ANK1: variants seen among roughly 807,000 people sequenced by gnomAD.
ANK1 encodes the protein ankyrin 1, also known as ankyrin-1.
In ANK1, 51 loss-of-function variants were observed where a neutral mutation model predicts 210.4. The ratio of observed to expected loss-of-function variants is 0.24; its 90% CI spans 0.19 to 0.31. The LOEUF is 0.31. ANK1 is among the 10% of genes least tolerant of loss of function. The pLI is 1.00. For synonymous variants in ANK1, 967 were observed against 1,025.9 expected, an observed-to-expected ratio of 0.94 and a Z score of 1.10; for missense variants, 2,051 against 2,504.4, an observed-to-expected ratio of 0.82 and a Z score of 3.86.
At position 41,881,814 on chromosome 8, in the gene ANK1, G is replaced by A. The variant is rs530347340; in HGVS notation, c.126+14541C>T. 3.4e-4 allele frequency among the ~76,000 whole-genome samples: 52 copies of A among 152,206 alleles called. 1 individual carries two copies. The South Asian group carries it at 6.8e-3, about 20-fold the overall frequency. ...CCAAGGTCCTCACCTGTAAAACACCGTTCCCACGCACCTGCCTGGCTTGTG... is the reference window on the plus strand; with the variant it reads ...CCAAGGTCCTCACCTGTAAAACACCATTCCCACGCACCTGCCTGGCTTGTG... On this transcript the variant is annotated intron_variant, in intron 1 of 42. Coordinates refer to the ANK1 transcript ENST00000265709.
At chr8:41,877,461 T>C (rs1453985592) in intron 1 of ANK1, among the ~76,000 whole-genome samples, 1 of 152,270 alleles carries the variant, frequency 6.6e-6, no homozygotes, top group African/African-American at 2.4e-5. Flanking sequence ...ACACTCACAG[T>C]GCCCCAGCTG....
chr8:41,687,238 G>A (rs577994729), intron 35 of ANK1, among the ~76,000 whole-genome samples: 17 of 152,310 alleles, frequency 1.1e-4, no homozygotes, highest in Non-Finnish European at 2.2e-4. Context: ...TTGAGCACCG[G>A]GCTCTGGACA....
intron 1 of ANK1, among the ~76,000 whole-genome samples, chr8:41,806,806 T>A (rs1264514031): frequency 6.6e-6 from 1 of 152,202 alleles, no homozygotes; most frequent in Non-Finnish European, 1.5e-5. Flanking sequence ...TCTCGATGGT[T>A]TTCCATGACG....
In ANK1 at chr8:41,655,189, C is replaced by A; in HGVS notation, c.*601G>T. 6.4e-6 allele frequency: 1 copy of A among 155,564 alleles called. No homozygotes were observed. The highest frequency in any genetic ancestry group is 1.4e-5 in the Non-Finnish European group (1 of 70,934). 9.6% of individuals were successfully genotyped at this position (155,564 alleles called of 1,614,324 possible). Reference sequence around the variant, plus strand: ...ATGTAGAGCGATCTGGGAGGAGCGTCACCAGGGAGTCGAGGGGGTGTCACA... The same window carrying A: ...ATGTAGAGCGATCTGGGAGGAGCGTAACCAGGGAGTCGAGGGGGTGTCACA... On this transcript the variant is annotated 3_prime_UTR_variant, in exon 43 of 43. Coordinates refer to ENST00000289734, the MANE Select transcript of ANK1 (RefSeq NM_000037.4).
rs182756272 is a variant in ANK1, at chr8:41,814,486, A to G, written c.127-56349T>C. Among the ~76,000 whole-genome samples the G allele has an allele frequency of 1.2e-4, 18 of 152,298 alleles. No individual in the cohort carries two copies. In the East Asian group the frequency reaches 3.3e-3, roughly 28 times the overall value. ...CCTTATTAGAATTCTGGAGATTACT[A>G]TGCAGTCTGGTGGTATGATCATAAA... On this transcript the variant is annotated intron_variant, in intron 1 of 42. Coordinates refer to the ANK1 transcript ENST00000265709.
intron 1 of ANK1, chr8:41,829,292 T>A (rs1806126327): frequency 6.6e-6 from 1 of 152,252 alleles, no homozygotes; most frequent in Non-Finnish European, 1.5e-5. Context: ...CTTGATGAAC[T>A]TAGCTTTCGT....
chr8:41,856,874 C>CTTTTTTTTT (rs35341809), intron 1 of ANK1, among the ~76,000 whole-genome samples: 5 of 95,248 alleles, frequency 5.2e-5, no homozygotes, highest in African/African-American at 2.4e-4. Flanking sequence ...TAACAGCCCT[C>CTTTTTTTTT]TTTTTTTTTT....
rs769060750 is a variant in ANK1 at position 41,734,088 on chromosome 8, C to T, written c.130-19G>A. Reference sequence around the variant, plus strand: ...ACCCATTCTGTAAAGAGCAGAGAGGCGGGAAGGGCATGGTTAGTCAAATGG... The same window carrying T: ...ACCCATTCTGTAAAGAGCAGAGAGGTGGGAAGGGCATGGTTAGTCAAATGG... On this transcript the variant is annotated intron_variant, in intron 2 of 42. Coordinates refer to ENST00000289734, the MANE Select transcript of ANK1 (RefSeq NM_000037.4). 3.7e-6 allele frequency: 6 copies of T among 1,605,072 alleles called. No individual in the cohort carries two copies. In the East Asian group the frequency reaches 8.9e-5, roughly 24 times the overall value.
chr8:41,803,002 A>AG (rs1850199087), intron 1 of ANK1, among the ~76,000 whole-genome samples: 8 of 72,372 alleles, frequency 1.1e-4, no homozygotes, highest in Non-Finnish European at 1.6e-4. Flanking sequence ...AGAGAGAAAG[A>AG]AAGAAAGAAA....
intron 1 of ANK1, among the ~76,000 whole-genome samples, chr8:41,864,009 C>T (rs375111765): frequency 6.6e-6 from 1 of 152,124 alleles, no homozygotes; most frequent in African/African-American, 2.4e-5. Flanking sequence ...CTTTGGGAGG[C>T]CGAGGCGGGT....
chr8:41,791,940 C>G (rs2150762850), intron 1 of ANK1, among the ~76,000 whole-genome samples: 1 of 152,132 alleles, frequency 6.6e-6, no homozygotes, highest in South Asian at 2.1e-4. Flanking sequence ...TGTTTGCTTG[C>G]TTTGTTTTTC....
chr8:41,849,659 G>A (rs1810820484), intron 1 of ANK1, among the ~76,000 whole-genome samples: 1 of 152,190 alleles, frequency 6.6e-6, no homozygotes, highest in Non-Finnish European at 1.5e-5. Flanking sequence ...CAGGGAAGGT[G>A]CCCACCACAC....
chr8:41,693,824 C>T (rs905227903), intron 29 of ANK1, 74 bp downstream of exon 29: 22 of 1,506,938 alleles, frequency 1.5e-5, no homozygotes, highest in Admixed American at 7.9e-5. Flanking sequence ...CTCGCCTTCT[C>T]GAGTCACCCC....
At chr8:41,895,088 G>C (rs1440677007) in intron 1 of ANK1, among the ~76,000 whole-genome samples, 1 of 152,166 alleles carries the variant, frequency 6.6e-6, no homozygotes, top group East Asian at 1.9e-4. Flanking sequence ...TTGGTCTGCT[G>C]ACCAACTGTC....
At chr8:41,683,520 G>A (rs566380996) in intron 37 of ANK1, among the ~76,000 whole-genome samples, 3 of 152,220 alleles carry the variant, frequency 2.0e-5, no homozygotes, top group Non-Finnish European at 2.9e-5. Context: ...TGGGCGTGGC[G>A]GGGATGGCCC....
chr8:41,850,369 T>C (rs1811015791), intron 1 of ANK1, among the ~76,000 whole-genome samples: 1 of 151,876 alleles, frequency 6.6e-6, no homozygotes, highest in African/African-American at 2.4e-5. Flanking sequence ...AGTTGTTTCT[T>C]CCAGAAAGAA....
chr8:41,743,367 C>G (rs932759261), intron 2 of ANK1, among the ~76,000 whole-genome samples: 1 of 152,206 alleles, frequency 6.6e-6, no homozygotes, highest in Non-Finnish European at 1.5e-5. Context: ...AGGAAATGAA[C>G]TGAGACACAT....
chr8:41,800,955 C>T (rs1206366967), upstream of ANK1, among the ~76,000 whole-genome samples: 1 of 152,104 alleles, frequency 6.6e-6, no homozygotes, highest in Non-Finnish European at 1.5e-5. Context: ...TTAGTTTTGC[C>T]ATGTTTTTGG....
chr8:41,805,163 C>T (rs1363714111), intron 1 of ANK1, among the ~76,000 whole-genome samples: 1 of 145,780 alleles, frequency 6.9e-6, no homozygotes, highest in Non-Finnish European at 1.5e-5. Context: ...CTCTTTCTCT[C>T]TCTCTCTTTC....
Sources: allele counts gnomAD v4.1 joint callset (sites outside exome capture counted in the v4.1 genomes callset), GRCh38; gene constraint gnomAD v4.1.1; transcripts MANE v1.5; gene names NCBI Gene and HGNC (gene_info 2026-07-23, HGNC 2026-07-21).